The following CNTNAP4 variants were observed in gnomAD, a reference collection of about 807,000 sequenced individuals.
CNTNAP4 encodes the protein contactin associated protein family member 4.
In CNTNAP4, 98 loss-of-function variants were observed where a neutral mutation model predicts 148.4. The observed-to-expected ratio is 0.66, with a 90% CI of 0.56 to 0.78. The LOEUF (loss-of-function observed/expected upper bound fraction) is 0.78. Among genes scored for constraint, CNTNAP4 ranks in the 30% least tolerant of loss-of-function variants. The pLI is 0.00. For synonymous variants in CNTNAP4, 730 were observed against 565.1 expected, an observed-to-expected ratio of 1.29 and a Z score of -4.14; for missense variants, 1,935 against 1,565.6, an observed-to-expected ratio of 1.24 and a Z score of -3.98.
intron 9 of CNTNAP4, among the ~76,000 whole-genome samples, chr16:76,463,869 G>A (rs1202776991): frequency 6.6e-6 from 1 of 152,026 alleles, no homozygotes; most frequent in East Asian, 1.9e-4. Flanking sequence ...TATATTGTAA[G>A]AACTTCCACA....
At chr16:76,480,089 A>G (rs2081762302) in intron 12 of CNTNAP4, among the ~76,000 whole-genome samples, 2 of 152,246 alleles carry the variant, frequency 1.3e-5, no homozygotes, top group South Asian at 2.1e-4. Context: ...CTTTAATACC[A>G]TTCTCGTCAC....
chr16:76,407,908 C>CA (rs2078651338), intron 3 of CNTNAP4, among the ~76,000 whole-genome samples: 1 of 151,838 alleles, frequency 6.6e-6, no homozygotes, highest in Non-Finnish European at 1.5e-5. Flanking sequence ...ATTAATGTGG[C>CA]AAACTTCATT....
intron 13 of CNTNAP4, among the ~76,000 whole-genome samples, chr16:76,490,473 CATT>C (rs1035455344): frequency 1.3e-5 from 2 of 152,036 alleles, no homozygotes; most frequent in Non-Finnish European, 2.9e-5. Context: ...TAGGGCATCT[CATT>C]ATGTCAGAGC....
intron 3 of CNTNAP4, among the ~76,000 whole-genome samples, chr16:76,386,875 AG>A (rs2016559103): frequency 6.6e-6 from 1 of 152,184 alleles, no homozygotes; most frequent in Admixed American, 6.6e-5. Context: ...GAGGCCTAAA[AG>A]GAGATTCAGA....
At chr16:76,542,556 G>C (rs954305802) in intron 21 of CNTNAP4, among the ~76,000 whole-genome samples, 1 of 152,076 alleles carries the variant, frequency 6.6e-6, no homozygotes, top group African/African-American at 2.4e-5. Context: ...GGCTGGGAAA[G>C]GGATGAGAGC....
intron 9 of CNTNAP4, among the ~76,000 whole-genome samples, chr16:76,466,180 A>C (rs186688696): frequency 4.3e-4 from 65 of 152,294 alleles, no homozygotes; most frequent in East Asian, 4.1e-3. Flanking sequence ...AGAACACATA[A>C]TGTTTGTCTT....
intron 12 of CNTNAP4, among the ~76,000 whole-genome samples, chr16:76,486,199 C>G (rs1292576611): frequency 2.0e-5 from 3 of 152,168 alleles, no homozygotes; most frequent in African/African-American, 4.8e-5. Flanking sequence ...ATTCATTTCC[C>G]TGTCTCCTTA....
Position 76,495,054 on chromosome 16 carries a change from A to G in CNTNAP4, c.2225A>G (p.Asp742Gly). ...CAGTATTACTGCAATTGTGATGCTGACCGGAATGAATGGTGATTTCCATAT... is the reference window on the plus strand; with the variant it reads ...CAGTATTACTGCAATTGTGATGCTGGCCGGAATGAATGGTGATTTCCATAT... ...DSQYYCNCDADRNEWTNDTGL... is the reference protein window; with the variant it reads ...DSQYYCNCDAGRNEWTNDTGL... Residue 742 changes from aspartate to glycine, a missense_variant, in exon 14 of 24, where the codon GAC (aspartate) becomes GGC (glycine). Physicochemically the swap from Asp to Gly is moderately conservative, Grantham distance 94. Coordinates refer to ENST00000611870, the MANE Select transcript of CNTNAP4 (RefSeq NM_033401.5). 6.2e-7 allele frequency: 1 copy of G among 1,612,826 alleles called. No individual in the cohort carries two copies. Among genetic ancestry groups the G allele is most frequent in the Non-Finnish European group, 8.5e-7 (1 of 1,179,260 alleles).
At chr16:76,549,233 G>A (rs532970638) in intron 21 of CNTNAP4, among the ~76,000 whole-genome samples, 30 of 152,294 alleles carry the variant, frequency 2.0e-4, no homozygotes, top group African/African-American at 7.2e-4. Flanking sequence ...GCCCCATGGG[G>A]AAAGATAAGC....
Position 76,467,651 on chromosome 16 carries a change from AT to A in CNTNAP4, c.1655+131del, listed in dbSNP as rs1319178658. 9.1e-6 allele frequency: 7 copies of A among 765,458 alleles called. No homozygotes were observed. In the Admixed American group the frequency reaches 2.5e-4, roughly 27 times the overall value. 47.4% of individuals were successfully genotyped at this position (765,458 alleles called of 1,614,324 possible). A position where few individuals can be genotyped will look rare whatever the true frequency, so the allele number is the denominator to read the frequency against. Reference sequence around the variant, plus strand: ...ATCTGTTCCACAGGAAATGAATTATATTTACATTAGAAATAAGAAAAAATGC... The same window carrying A: ...ATCTGTTCCACAGGAAATGAATTATATTACATTAGAAATAAGAAAAAATGC... On this transcript the variant is annotated intron_variant, in intron 10 of 23. Coordinates refer to ENST00000611870, the MANE Select transcript of CNTNAP4 (RefSeq NM_033401.5).
At chr16:76,391,548 G>A (rs1389390281) in intron 3 of CNTNAP4, among the ~76,000 whole-genome samples, 2 of 152,154 alleles carry the variant, frequency 1.3e-5, no homozygotes, top group Admixed American at 6.5e-5. Context: ...TGTCTTGTAT[G>A]CTATTCAACA....
intron 3 of CNTNAP4, among the ~76,000 whole-genome samples, chr16:76,412,424 G>T (rs893819387): frequency 9.9e-5 from 15 of 151,290 alleles, no homozygotes; most frequent in Admixed American, 6.6e-5. Context: ...AGTAGAAAAT[G>T]CAAACTAATT....
chr16:76,317,539 T>G (rs1188509979), intron 2 of CNTNAP4, among the ~76,000 whole-genome samples: 1 of 152,210 alleles, frequency 6.6e-6, no homozygotes, highest in Non-Finnish European at 1.5e-5. Flanking sequence ...CATAAAACGT[T>G]TTAACAATCA....
At chr16:76,385,614 T>C (rs1289049551) in intron 3 of CNTNAP4, among the ~76,000 whole-genome samples, 2 of 151,864 alleles carry the variant, frequency 1.3e-5, no homozygotes, top group Non-Finnish European at 2.9e-5. Context: ...GCGTGGAAAT[T>C]ATGTTCTATA....
chr16:76,532,662 C>T (rs2084036583), intron 17 of CNTNAP4, among the ~76,000 whole-genome samples: 1 of 152,112 alleles, frequency 6.6e-6, no homozygotes, highest in Admixed American at 6.6e-5. Flanking sequence ...ACCTTTAATT[C>T]AGAGTTCACA....
At chr16:76,511,467 G>T (rs919961563) in intron 15 of CNTNAP4, among the ~76,000 whole-genome samples, 2 of 152,084 alleles carry the variant, frequency 1.3e-5, no homozygotes, top group Non-Finnish European at 2.9e-5. Flanking sequence ...TAGTGATTTG[G>T]TTAATTTCTC....
intron 3 of CNTNAP4, among the ~76,000 whole-genome samples, chr16:76,409,104 A>G (rs999579457): frequency 7.2e-5 from 11 of 152,054 alleles, no homozygotes; most frequent in African/African-American, 2.4e-4. Flanking sequence ...GTATGGCACA[A>G]TAGGCTTTAC....
At chr16:76,309,836 C>T (rs1012812555) in intron 1 of CNTNAP4, 3 of 700,440 alleles carry the variant, frequency 4.3e-6, no homozygotes, top group South Asian at 1.5e-5. Context: ...TCAGGGGTTT[C>T]CGCTTTTGCT....
At chr16:76,318,658 A>T (rs1962066089) in intron 2 of CNTNAP4, among the ~76,000 whole-genome samples, 1 of 150,958 alleles carries the variant, frequency 6.6e-6, no homozygotes, top group African/African-American at 2.4e-5. Flanking sequence ...TTTTATTTCT[A>T]GTATTGAAAT....
Sources: gnomAD v4.1 joint callset for allele counts (sites outside exome capture counted in the v4.1 genomes callset) on GRCh38, gnomAD v4.1.1 for gene constraint, MANE v1.5 for transcripts, NCBI Gene and HGNC (gene_info 2026-07-23, HGNC 2026-07-21) for gene names.